The following PRICKLE2 variants were observed in gnomAD, a reference collection of about 807,000 sequenced individuals.
PRICKLE2 encodes the protein prickle-like protein 2.
PRICKLE2 carries 21 observed loss-of-function variants against 81.4 expected under a neutral mutation model. The observed-to-expected ratio is 0.26, with a 90% CI of 0.18 to 0.37. The LOEUF is 0.37. Among genes scored for constraint, PRICKLE2 ranks in the 10% least tolerant of loss-of-function variants. The probability of loss-of-function intolerance (pLI) is 1.00; values close to 1 mark genes in which losing one functional copy is unlikely to be tolerated. For synonymous variants in PRICKLE2, 456 were observed against 421.5 expected (o/e 1.08, Z -1.00); for missense variants, 940 against 1,109.0 (o/e 0.85, Z 2.16).
intron 7 of PRICKLE2, among the ~76,000 whole-genome samples, chr3:64,131,239 T>C (rs1013519636): frequency 6.6e-6 from 1 of 152,212 alleles, no homozygotes. Context: ...CCCCCAATAA[T>C]GGAAACTCTT....
At chr3:64,207,513 C>T (rs2078707888) in intron 1 of PRICKLE2, among the ~76,000 whole-genome samples, 1 of 152,116 alleles carries the variant, frequency 6.6e-6, no homozygotes, top group South Asian at 2.1e-4. Context: ...CCGGTAACGA[C>T]AAGACATGAG....
rs961776571 is a variant in PRICKLE2, at chr3:64,147,371, T to C, written c.1119A>G (p.Ser373=). 3.7e-6 allele frequency: 6 copies of C among 1,614,118 alleles called. No homozygotes were observed. In the African/African-American group the frequency reaches 4.0e-5, roughly 11 times the overall value. ...ACAGGCTGAGCATGTCCATCTGCAG[T>C]GACAGGGGGTCTACGTCGGCTGACA... ...NRLSADVDPL[S]LQMDMLSLSS... Residue 373 remains serine, a synonymous_variant, in exon 7 of 8, where the codon TCA becomes TCG. Transcript: ENST00000638394. This position sits in a 1 kb window ranked among gnomAD's most constrained non-coding sequence, Gnocchi z 5.0.
chr3:64,162,218 T>G (rs2077747035), intron 3 of PRICKLE2, among the ~76,000 whole-genome samples: 1 of 152,106 alleles, frequency 6.6e-6, no homozygotes, highest in Non-Finnish European at 1.5e-5. Flanking sequence ...CAATTAAAAA[T>G]TACATTTTTG....
chr3:64,262,786 C>G (rs28715666), intron 2 of PRICKLE2, among the ~76,000 whole-genome samples: 1 of 152,160 alleles, frequency 6.6e-6, no homozygotes, highest in African/African-American at 2.4e-5. Flanking sequence ...CTTGACATCT[C>G]TTAACATATT....
rs889721647 is a variant in PRICKLE2 at position 64,126,811 on chromosome 3, T to C, written c.1660+20019A>G. On this transcript the variant is annotated intron_variant, in intron 7 of 7. Transcript: ENST00000638394. ...CAGACTGGTCTCGAACTCCTGGCAT[T>C]GTGATCTGCCCGCCTCGGCCTCCCA... Among the ~76,000 whole-genome samples, 5 of 152,010 alleles carry C rather than the reference T, an allele frequency of 3.3e-5. No individual in the cohort carries two copies. The East Asian group carries it at 9.7e-4, about 29-fold the overall frequency.
intron 2 of PRICKLE2, among the ~76,000 whole-genome samples, chr3:64,176,278 C>A (rs1263586720): frequency 6.6e-6 from 1 of 152,136 alleles, no homozygotes; most frequent in East Asian, 1.9e-4. Flanking sequence ...TGGGTGACAC[C>A]TAGCAATCTG....
intron 7 of PRICKLE2, among the ~76,000 whole-genome samples, chr3:64,124,295 T>A (rs896814245): frequency 6.6e-6 from 1 of 152,198 alleles, no homozygotes; most frequent in Non-Finnish European, 1.5e-5. Context: ...GGTTGGTTCA[T>A]GAGGTTTAAG....
intron 7 of PRICKLE2, chr3:64,103,054 G>A (rs2076694489): frequency 6.6e-6 from 1 of 152,094 alleles, no homozygotes; most frequent in Non-Finnish European, 1.5e-5. Flanking sequence ...GTACATTACA[G>A]GTGTTGTTTG....
intron 2 of PRICKLE2, chr3:64,190,326 C>G (rs1040128869): frequency 1.3e-5 from 2 of 152,028 alleles, no homozygotes; most frequent in Non-Finnish European, 2.9e-5. Context: ...TTGTAAAGCA[C>G]CCAGGAAAAT....
chr3:64,194,230 C>G (rs541765778), intron 2 of PRICKLE2: 2 of 152,238 alleles, frequency 1.3e-5, no homozygotes, highest in Non-Finnish European at 2.9e-5. Flanking sequence ...GCTCAAGCAA[C>G]GTGGGATCCC....
intron 1 of PRICKLE2, among the ~76,000 whole-genome samples, chr3:64,207,053 C>A (rs572652890): frequency 6.6e-6 from 1 of 152,052 alleles, no homozygotes; most frequent in African/African-American, 2.4e-5. Context: ...GCACATGCCA[C>A]AATGCCCAGC....
chr3:64,263,799 C>T (rs1340014774), intron 2 of PRICKLE2, among the ~76,000 whole-genome samples: 1 of 152,164 alleles, frequency 6.6e-6, no homozygotes, highest in African/African-American at 2.4e-5. Flanking sequence ...TCAGCCTTAT[C>T]TTGGGTCATC....
At position 64,098,771 on chromosome 3, in the gene PRICKLE2, T is replaced by C. The variant is rs2076605463; in HGVS notation, c.*280A>G. On this transcript the variant is annotated 3_prime_UTR_variant, in exon 8 of 8. Coordinates refer to ENST00000638394, the MANE Select transcript of PRICKLE2 (RefSeq NM_198859.4). ...GGAAACAATTTACCATCTTGAGAGA[T>C]GGCAACTCAACACAGAACTGATGGG... The C allele has an allele frequency of 1.3e-5, 6 of 456,796 alleles. No homozygotes were observed. In the South Asian group the frequency reaches 1.5e-4, roughly 11 times the overall value. 28.3% of individuals were successfully genotyped at this position (456,796 alleles called of 1,614,324 possible).
At chr3:64,240,988 G>C (rs915900780) in intron 2 of PRICKLE2, among the ~76,000 whole-genome samples, 2 of 152,126 alleles carry the variant, frequency 1.3e-5, no homozygotes, top group African/African-American at 4.8e-5. Flanking sequence ...GCCCACATAA[G>C]CATACTATTG....
At chr3:64,100,024 T>TTG in intron 7 of PRICKLE2, 99 bp from the exon 8 acceptor site, 1 of 1,353,248 alleles carries the variant, frequency 7.4e-7, no homozygotes, top group Admixed American at 1.7e-5. Flanking sequence ...TTATATACCG[T>TTG]TGTGAAGTTG....
chr3:64,192,978 T>C (rs575763808), intron 2 of PRICKLE2, among the ~76,000 whole-genome samples: 16 of 152,236 alleles, frequency 1.1e-4, no homozygotes, highest in African/African-American at 3.4e-4. Context: ...AGAACTAATA[T>C]AAAATCCACT....
At chr3:64,104,951 T>C (rs2076731186) in intron 7 of PRICKLE2, among the ~76,000 whole-genome samples, 2 of 152,202 alleles carry the variant, frequency 1.3e-5, no homozygotes, top group African/African-American at 4.8e-5. Context: ...GTTACTTTCA[T>C]TACTGGCAAA....
rs192680388 is a variant in PRICKLE2 at position 64,225,282 on chromosome 3, A to G, written c.-413T>C. On this transcript the variant is annotated 5_prime_UTR_variant, in exon 1 of 8. Coordinates refer to ENST00000638394, the MANE Select transcript of PRICKLE2 (RefSeq NM_198859.4). ...CTCTTAACTCCCCTTCTTCATGACA[A>G]TCTGAAGGAAGAAGTCATAGACTCC... is the stretch of plus-strand genomic sequence containing the variant. 4.5e-5 allele frequency: 44 copies of G among 985,424 alleles called. No individual in the cohort carries two copies. The highest frequency in any genetic ancestry group is 3.3e-4 in the South Asian group (7 of 21,270). The allele number at this position is 985,424 out of a possible 1,614,324, so 61.0% of individuals were successfully genotyped here.
intron 5 of PRICKLE2, chr3:64,153,816 C>T (rs2077583313): frequency 5.6e-6 from 1 of 178,376 alleles, no homozygotes; most frequent in Non-Finnish European, 1.2e-5. Context: ...TCCTACATGG[C>T]AGTAATAAAC....
Sources: allele counts gnomAD v4.1 joint callset (sites outside exome capture counted in the v4.1 genomes callset), GRCh38; gene constraint gnomAD v4.1.1; non-coding constraint Gnocchi (gnomAD v3.1); transcripts MANE v1.5; gene names NCBI Gene and HGNC (gene_info 2026-07-23, HGNC 2026-07-21).